The following KDM4B variants were observed in gnomAD, a reference collection of about 807,000 sequenced individuals.
KDM4B encodes lysine demethylase 4B, also known as lysine-specific demethylase 4B.
KDM4B carries 32 observed loss-of-function variants against 125.2 expected under a neutral mutation model. That is an observed-to-expected ratio of 0.26 (90% CI 0.19 to 0.34). The LOEUF (loss-of-function observed/expected upper bound fraction) is 0.34. Ranked by LOEUF, KDM4B falls within the 10% of genes least tolerant of loss-of-function variation. KDM4B has a pLI of 1.00. For synonymous variants in KDM4B, 721 were observed against 677.9 expected (o/e 1.06, Z -0.99); for missense variants, 1,190 against 1,577.7 (o/e 0.75, Z 4.16).
chr19:4,970,045 C>T (rs981156535), intron 1 of KDM4B, among the ~76,000 whole-genome samples: 2 of 152,112 alleles, frequency 1.3e-5, no homozygotes, highest in African/African-American at 2.4e-5. Context: ...CTGTGTCCCC[C>T]GTGGACATCC....
At chr19:5,047,344 G>T (rs1360896997) in intron 5 of KDM4B, 132 bp from the exon 6 acceptor site, 4 of 767,020 alleles carry the variant, frequency 5.2e-6, no homozygotes, top group East Asian at 2.6e-5. Context: ...CCCCTGGGGG[G>T]GCCGCAGATA....
intron 6 of KDM4B, among the ~76,000 whole-genome samples, chr19:5,068,456 C>T (rs1392296523): frequency 2.0e-5 from 3 of 152,258 alleles, no homozygotes; most frequent in Non-Finnish European, 4.4e-5. Context: ...CCTAAGCGAA[C>T]GCAAGCGTGC....
intron 9 of KDM4B, among the ~76,000 whole-genome samples, chr19:5,101,550 C>CAAAACCCAA (rs568042456): frequency 1.6e-3 from 239 of 151,730 alleles, no homozygotes; most frequent in African/African-American, 5.4e-3. Context: ...AACAAAACCC[C>CAAAACCCAA]AAAACCCAAA....
Position 5,080,218 on chromosome 19 carries a change from A to G in KDM4B, c.781-2149A>G, listed in dbSNP as rs577019008. Among the ~76,000 whole-genome samples, 4 of 152,374 alleles carry G rather than the reference A, an allele frequency of 2.6e-5. No homozygotes were observed. The South Asian group carries it at 6.2e-4, about 24-fold the overall frequency. ...GTTCTTAAGGACTGGCATTTTTCCA[A>G]GCTGTGTCAGTTTTGATTGATGTCT... On this transcript the variant is annotated intron_variant, in intron 8 of 22. Transcript: ENST00000159111.
intron 6 of KDM4B, among the ~76,000 whole-genome samples, chr19:5,053,036 G>A (rs2037281961): frequency 6.6e-6 from 1 of 152,252 alleles, no homozygotes; most frequent in Non-Finnish European, 1.5e-5. Flanking sequence ...GGCGGAGATT[G>A]GTGTCCCGAC....
At chr19:5,116,919 A>G (rs540084236) in intron 10 of KDM4B, among the ~76,000 whole-genome samples, 1 of 152,342 alleles carries the variant, frequency 6.6e-6, no homozygotes, top group East Asian at 1.9e-4. Flanking sequence ...AGCCAGACCC[A>G]GAAACAAGCA....
intron 1 of KDM4B, among the ~76,000 whole-genome samples, chr19:4,976,423 C>G (rs1033432876): frequency 1.3e-5 from 2 of 152,136 alleles, no homozygotes; most frequent in South Asian, 2.1e-4. Context: ...GCCAGACTCT[C>G]TTGCTCTGGG....
intron 6 of KDM4B, among the ~76,000 whole-genome samples, chr19:5,065,293 C>T (rs1011816614): frequency 2.6e-5 from 4 of 152,240 alleles, no homozygotes; most frequent in African/African-American, 7.2e-5. Flanking sequence ...TCACCGTCAT[C>T]GTAGCTAAGG....
At chr19:4,993,413 G>GGA (rs1555688261) in intron 1 of KDM4B, among the ~76,000 whole-genome samples, 16 of 144,634 alleles carry the variant, frequency 1.1e-4, no homozygotes, top group African/African-American at 4.1e-4. Flanking sequence ...CATCTCAAGG[G>GGA]AAAAAAAAAA....
Position 5,077,815 on chromosome 19 carries a change from CAG to C in KDM4B, c.780+348_780+349del, listed in dbSNP as rs562756952. ...ACCTGGCAGGAAGCTGCCAAAGAAA[CAG>C]AGGGCAGGGCCCCTCGTCCCGTGCA... is the stretch of plus-strand genomic sequence containing the variant. On this transcript the variant is annotated intron_variant, in intron 8 of 22. Coordinates refer to ENST00000159111, the MANE Select transcript of KDM4B (RefSeq NM_015015.3). 33 of 279,806 alleles carry C rather than the reference CAG, an allele frequency of 1.2e-4. No homozygotes were observed. In the East Asian group the frequency reaches 2.5e-3, roughly 22 times the overall value. The allele number at this position is 279,806 out of a possible 1,614,324, so 17.3% of individuals were successfully genotyped here. A position where few individuals can be genotyped will look rare whatever the true frequency, so the allele number is the denominator to read the frequency against.
chr19:4,989,658 C>CTT (rs111275194), intron 1 of KDM4B, among the ~76,000 whole-genome samples: 45 of 144,560 alleles, frequency 3.1e-4, no homozygotes, highest in African/African-American at 1.1e-3. Context: ...TCTTCTTCTT[C>CTT]TTTTTTTTTT....
intron 1 of KDM4B, among the ~76,000 whole-genome samples, chr19:4,986,098 G>A (rs1453635045): frequency 6.6e-6 from 1 of 152,246 alleles, no homozygotes; most frequent in African/African-American, 2.4e-5. Context: ...GTGCCCCGGG[G>A]GAGTAGTGAT....
At chr19:5,094,277 C>G (rs529669702) in intron 9 of KDM4B, among the ~76,000 whole-genome samples, 1 of 152,346 alleles carries the variant, frequency 6.6e-6, no homozygotes, top group South Asian at 2.1e-4. Flanking sequence ...TCTGTGAGGC[C>G]CCGGGTGCAG....
chr19:5,031,238 G>T (rs879072150), intron 2 of KDM4B, among the ~76,000 whole-genome samples: 2 of 152,252 alleles, frequency 1.3e-5, no homozygotes, highest in Non-Finnish European at 2.9e-5. Context: ...CCTGGCTGTG[G>T]GCGAGGGGCC....
chr19:4,992,049 G>A (rs941402068), intron 1 of KDM4B, among the ~76,000 whole-genome samples: 2 of 152,148 alleles, frequency 1.3e-5, no homozygotes, highest in Non-Finnish European at 2.9e-5. Context: ...GAGTTCTCCA[G>A]AGATGGAGGA....
rs1403081531 is a variant in KDM4B at position 5,081,019 on chromosome 19, T to A, written c.781-1348T>A. ...GAGGTCTGTGGTGACTGAGAGCGCGTGCGTGGTTCGGTGGGGATGGCCTGG... is the reference window on the plus strand; with the variant it reads ...GAGGTCTGTGGTGACTGAGAGCGCGAGCGTGGTTCGGTGGGGATGGCCTGG... On this transcript the variant is annotated intron_variant, in intron 8 of 22. Transcript: ENST00000159111. The surrounding 1 kb of genome is among the most constrained non-coding windows in gnomAD (Gnocchi z 4.2). The A allele has an allele frequency of 6.6e-6, 1 of 152,060 alleles. No individual in the cohort carries two copies. The allele number at this position is 152,060 out of a possible 1,614,324, so 9.4% of individuals were successfully genotyped here. A position where few individuals can be genotyped will look rare whatever the true frequency, so the allele number is the denominator to read the frequency against.
At chr19:5,093,250 A>G (rs1484496152) in intron 9 of KDM4B, among the ~76,000 whole-genome samples, 1 of 151,932 alleles carries the variant, frequency 6.6e-6, no homozygotes, top group African/African-American at 2.4e-5. Context: ...ACACTGATAG[A>G]CTCGAGGCTA....
chr19:5,142,076 C>T lies in KDM4B; in HGVS notation c.2551-1891C>T, dbSNP rs576538044. On this transcript the variant is annotated intron_variant, in intron 18 of 22. Transcript: ENST00000159111. This position sits in a 1 kb window ranked among gnomAD's most constrained non-coding sequence, Gnocchi z 5.4. ...ACACAGCTTCATGGGTGGTACCTAG[C>T]GGTGACCACCTGCTTCCTCCAGGCC... Among the ~76,000 whole-genome samples, 8 of 152,292 alleles carry T rather than the reference C, an allele frequency of 5.3e-5. No individual in the cohort carries two copies. Among genetic ancestry groups the T allele is most frequent in the South Asian group, 2.1e-4 (1 of 4,826 alleles).
chr19:5,107,707 G>T (rs1490006568), intron 9 of KDM4B, among the ~76,000 whole-genome samples: 1 of 152,184 alleles, frequency 6.6e-6, no homozygotes, highest in Non-Finnish European at 1.5e-5. Context: ...GGCTCGCAGT[G>T]GGGGCTGGGC....
Sources: allele counts gnomAD v4.1 joint callset (sites outside exome capture counted in the v4.1 genomes callset), GRCh38; gene constraint gnomAD v4.1.1; non-coding constraint Gnocchi (gnomAD v3.1); transcripts MANE v1.5; gene names NCBI Gene and HGNC (gene_info 2026-07-23, HGNC 2026-07-21).